Variants in AGTPBP1 observed in about 807,000 individuals in gnomAD.
AGTPBP1 encodes the protein cytosolic carboxypeptidase 1.
AGTPBP1 carries 70 observed loss-of-function variants against 143.9 expected under a neutral mutation model. The observed-to-expected ratio is 0.49, with a 90% CI of 0.40 to 0.59. The LOEUF (loss-of-function observed/expected upper bound fraction) is 0.59, where lower values mean the gene tolerates loss of function less well. AGTPBP1 is among the 20% of genes least tolerant of loss of function. AGTPBP1 has a pLI of 0.00. For synonymous variants in AGTPBP1, 463 were observed against 500.2 expected (o/e 0.93, Z 0.99); for missense variants, 1,229 against 1,464.5 (o/e 0.84, Z 2.62).
At chr9:85,701,688 A>T (rs887248722) in intron 2 of AGTPBP1, among the ~76,000 whole-genome samples, 3 of 152,230 alleles carry the variant, frequency 2.0e-5, no homozygotes, top group Non-Finnish European at 4.4e-5. Context: ...ATTGCTTTAT[A>T]AACAGGGAAA....
At chr9:85,561,110 G>A (rs1011497223) in intron 25 of AGTPBP1, among the ~76,000 whole-genome samples, 4 of 152,158 alleles carry the variant, frequency 2.6e-5, no homozygotes, top group Admixed American at 6.5e-5. Flanking sequence ...GGTGACTCAC[G>A]CCCAGCACTT....
chr9:85,626,161 A>T (rs1831280765), intron 14 of AGTPBP1, among the ~76,000 whole-genome samples: 1 of 152,150 alleles, frequency 6.6e-6, no homozygotes, highest in Admixed American at 6.6e-5. Context: ...TTTGCAATAC[A>T]ATTTTTTAAA....
At chr9:85,762,439 G>C in the AGTPBP1 span, among the ~76,000 whole-genome samples, 5 of 152,162 alleles carry the variant, frequency 3.3e-5, no homozygotes, top group African/African-American at 9.6e-5. Flanking sequence ...TACTATGCAG[G>C]CATAAAAAAT....
chr9:85,584,624 T>C (rs1298312169), intron 23 of AGTPBP1, among the ~76,000 whole-genome samples: 1 of 152,202 alleles, frequency 6.6e-6, no homozygotes, highest in East Asian at 1.9e-4. Context: ...GATGCCATTC[T>C]TACATGTAAT....
Position 85,592,617 on chromosome 9 carries a change from A to G in AGTPBP1, c.2511T>C (p.His837=), listed in dbSNP as rs1037755723. Residue 837 remains histidine (H), a synonymous_variant, in exon 19 of 26, where the codon CAT becomes CAC. Transcript: ENST00000357081. ...AAGCAAAGTAGCAAACATCATCTTT[A>G]TGTGGAAAATTGACAGTAAATGTAA... The part of the protein sequence containing the change: ...YTITFTVNFP[H]KDDVCYFAYH... 1.2e-6 allele frequency: 2 copies of G among 1,612,404 alleles called. No individual in the cohort carries two copies. Among genetic ancestry groups the G allele is most frequent in the Non-Finnish European group, 8.5e-7 (1 of 1,179,292 alleles).
At chr9:85,730,448 G>A (rs1211728074) in intron 1 of AGTPBP1, among the ~76,000 whole-genome samples, 1 of 152,118 alleles carries the variant, frequency 6.6e-6, no homozygotes, top group African/African-American at 2.4e-5. Flanking sequence ...CATTCACTTG[G>A]CTCCAGTAGG....
At chr9:85,623,673 C>G (rs539275148) in intron 14 of AGTPBP1, among the ~76,000 whole-genome samples, 1 of 151,580 alleles carries the variant, frequency 6.6e-6, no homozygotes, top group East Asian at 2.0e-4. Flanking sequence ...AGGAGAATTG[C>G]TTGAACCTGA....
intron 13 of AGTPBP1, among the ~76,000 whole-genome samples, chr9:85,640,318 G>C (rs1038880895): frequency 2.0e-5 from 3 of 151,976 alleles, no homozygotes; most frequent in African/African-American, 7.3e-5. Context: ...ATAATCAAGT[G>C]GCAACACAAT....
intron 9 of AGTPBP1, among the ~76,000 whole-genome samples, chr9:85,658,514 A>G (rs1228370435): frequency 6.6e-6 from 1 of 152,110 alleles, no homozygotes; most frequent in Admixed American, 6.6e-5. Context: ...TGGGTTAATT[A>G]TAAGGGGTGC....
the AGTPBP1 span, among the ~76,000 whole-genome samples, chr9:85,758,325 A>AT: frequency 2.0e-5 from 3 of 152,170 alleles, no homozygotes; most frequent in African/African-American, 7.2e-5. Flanking sequence ...TATGAAAAAC[A>AT]TGAAAGAGCT....
At position 85,642,953 on chromosome 9, in the gene AGTPBP1, TAA is replaced by T. The variant is rs1027264767; in HGVS notation, c.1186-12_1186-11del. 6.3e-7 allele frequency: 1 copy of T among 1,593,546 alleles called. No individual in the cohort carries two copies. ...TTTCAATATCATCATTCTGAAATGA[TAA>T]AAAGAGTATGTTATCAGGTAAAACA... On this transcript the variant is annotated splice_polypyrimidine_tract_variant and intron_variant, in intron 12 of 25. Transcript: ENST00000357081.
chr9:85,803,578 G>A, the AGTPBP1 span, among the ~76,000 whole-genome samples: 1 of 152,148 alleles, frequency 6.6e-6, no homozygotes, highest in Non-Finnish European at 1.5e-5. Context: ...CAGTGCTGCT[G>A]GGCCACTGAC....
the AGTPBP1 span, chr9:85,786,610 T>C: frequency 1.0e-4 from 162 of 1,561,570 alleles, 1 homozygote; most frequent in African/African-American, 1.8e-3. Flanking sequence ...TTAGTAGATA[T>C]GTAAAAAGAT....
the AGTPBP1 span, chr9:85,773,995 A>G: frequency 6.2e-7 from 1 of 1,610,920 alleles, no homozygotes; most frequent in Admixed American, 1.7e-5. Flanking sequence ...CAGCAAAAGG[A>G]GCACGAACAA....
chr9:85,667,996 G>A (rs771540010), intron 8 of AGTPBP1, among the ~76,000 whole-genome samples: 9 of 150,744 alleles, frequency 6.0e-5, no homozygotes, highest in Non-Finnish European at 7.4e-5. Flanking sequence ...AGACAACTGC[G>A]GTAACACTAA....
chr9:85,765,987 G>C, the AGTPBP1 span, among the ~76,000 whole-genome samples: 65 of 152,054 alleles, frequency 4.3e-4, no homozygotes, highest in Non-Finnish European at 8.5e-4. Flanking sequence ...GAGAGCCAGG[G>C]TGTCCTCCCA....
intron 1 of AGTPBP1, among the ~76,000 whole-genome samples, chr9:85,732,116 C>T (rs1205804201): frequency 6.6e-6 from 1 of 151,950 alleles, no homozygotes; most frequent in Non-Finnish European, 1.5e-5. Context: ...TTAAACAAAG[C>T]CAAAATTTCT....
intron 9 of AGTPBP1, among the ~76,000 whole-genome samples, chr9:85,660,464 G>C (rs1833789419): frequency 6.6e-6 from 1 of 152,104 alleles, no homozygotes; most frequent in South Asian, 2.1e-4. Context: ...AAATGAATTA[G>C]ACTGTAAATG....
At chr9:85,775,857 T>C in the AGTPBP1 span, among the ~76,000 whole-genome samples, 1 of 152,114 alleles carries the variant, frequency 6.6e-6, no homozygotes. Flanking sequence ...CAGATTGAGG[T>C]TGGATCTGCC....
Sources: allele counts gnomAD v4.1 joint callset (sites outside exome capture counted in the v4.1 genomes callset), GRCh38; gene constraint gnomAD v4.1.1; transcripts MANE v1.5; gene names NCBI Gene and HGNC (gene_info 2026-07-23, HGNC 2026-07-21).